The following NDUFAF6 variants were observed in gnomAD, a reference collection of about 807,000 sequenced individuals.
NDUFAF6 encodes the protein NADH dehydrogenase (ubiquinone) complex I, assembly factor 6.
NDUFAF6 carries 45 observed loss-of-function variants against 40.8 expected under a neutral mutation model. The observed-to-expected ratio is 1.10, with a 90% CI of 0.87 to 1.42. NDUFAF6 has a LOEUF of 1.42. NDUFAF6 is among the 40% of genes most tolerant of loss of function. The pLI is 0.00. For missense variants in NDUFAF6, 435 were observed against 418.5 expected, an observed-to-expected ratio of 1.04 and a Z score of -0.34; for synonymous variants, 185 against 155.9, an observed-to-expected ratio of 1.19 and a Z score of -1.39.
intron 2 of NDUFAF6, among the ~76,000 whole-genome samples, chr8:94,997,289 G>GACACACACAC (rs57953301): frequency 6.0e-4 from 57 of 94,702 alleles, no homozygotes; most frequent in Non-Finnish European, 8.9e-4. Context: ...CAAGAAGAAA[G>GACACACACAC]ACACACACAC....
intron 1 of NDUFAF6, among the ~76,000 whole-genome samples, chr8:94,967,388 G>A (rs1824091392): frequency 6.6e-6 from 1 of 152,140 alleles, no homozygotes; most frequent in African/African-American, 2.4e-5. Context: ...CAGCAAGACT[G>A]ACCATCTTCC....
chr8:95,032,255 A>G (rs1442063936), intron 2 of NDUFAF6, among the ~76,000 whole-genome samples, 161 bp downstream of exon 2: 1 of 152,234 alleles, frequency 6.6e-6, no homozygotes, highest in Non-Finnish European at 1.5e-5. Flanking sequence ...TTAGTAATTC[A>G]ATACCAAAAA....
chr8:94,937,831 TATTGTCTGGTGGTAAAA>T (rs1371405916), intron 1 of NDUFAF6, among the ~76,000 whole-genome samples: 1 of 152,054 alleles, frequency 6.6e-6, no homozygotes, highest in East Asian at 1.9e-4. Context: ...AATGCAGCTG[TATTGTCTGGTGGTAAAA>T]ACAGCCTACT....
chr8:95,071,481 C>G (rs931675106), intron 9 of NDUFAF6, among the ~76,000 whole-genome samples: 1 of 151,548 alleles, frequency 6.6e-6, no homozygotes, highest in East Asian at 1.9e-4. Flanking sequence ...TTTGCAGACT[C>G]ACCACCCCCA....
chr8:95,045,177 AG>A (rs902933717), intron 4 of NDUFAF6, among the ~76,000 whole-genome samples: 11 of 151,868 alleles, frequency 7.2e-5, no homozygotes, highest in African/African-American at 2.2e-4. Flanking sequence ...TATCTCTTGG[AG>A]GGGGGGTTGT....
In NDUFAF6 at chr8:94,997,343, C is replaced by CACACAGAGAG. The variant is rs1242904810; in HGVS notation, c.-84+16371_-84+16372insCACAGAGAGA. Reference sequence around the variant, plus strand: ...ACACACACACACACACACACACACACAGAGAGAGAGAGAGAGAGAGAGACA... The same window carrying CACACAGAGAG: ...ACACACACACACACACACACACACACACACAGAGAGAGAGAGAGAGAGAGAGAGAGAGACA... On this transcript the variant is annotated intron_variant, in intron 2 of 9. Coordinates refer to the NDUFAF6 transcript ENST00000396111. Among the ~76,000 whole-genome samples the CACACAGAGAG allele has an allele frequency of 1.8e-3, 166 of 90,556 alleles. 1 individual carries two copies. Among genetic ancestry groups the CACACAGAGAG allele is most frequent in the South Asian group, 4.3e-3 (9 of 2,106 alleles). 59.4% of individuals were successfully genotyped at this position (90,556 alleles called of 152,430 possible).
chr8:95,100,503 T>C (rs1447103505), exon 1 of NDUFAF6: 1 of 152,210 alleles, frequency 6.6e-6, no homozygotes, highest in Non-Finnish European at 1.5e-5. Flanking sequence ...ATTATGCCTT[T>C]GAATATACTG....
intron 2 of NDUFAF6, among the ~76,000 whole-genome samples, chr8:95,093,727 C>G (rs1171419298): frequency 6.6e-6 from 1 of 152,160 alleles, no homozygotes; most frequent in Non-Finnish European, 1.5e-5. Flanking sequence ...TTAATTTTGC[C>G]TCAGTTTCTT....
rs1820678897 is a variant in NDUFAF6 at position 94,933,834 on chromosome 8, T to TGC, written c.-935-11648_-935-11647insCG. ...TCATGCCTGTAATCCCAGCACTTTGTGGGGGGGGGGGGAGGATCACGAGGT... is the reference window on the plus strand; with the variant it reads ...TCATGCCTGTAATCCCAGCACTTTGTGCGGGGGGGGGGGGAGGATCACGAGGT... On this transcript the variant is annotated intron_variant, in intron 1 of 14. Coordinates refer to the NDUFAF6 transcript ENST00000396113. Among the ~76,000 whole-genome samples the TGC allele has an allele frequency of 8.5e-5, 5 of 59,022 alleles. 1 individual carries two copies. Among genetic ancestry groups the TGC allele is most frequent in the Non-Finnish European group, 1.7e-4 (5 of 29,730 alleles). The allele number at this position is 59,022 out of a possible 152,430, so 38.7% of individuals were successfully genotyped here.
At chr8:95,092,703 G>A (rs1466609600) in intron 2 of NDUFAF6, among the ~76,000 whole-genome samples, 1 of 148,442 alleles carries the variant, frequency 6.7e-6, no homozygotes, top group Non-Finnish European at 1.5e-5. Flanking sequence ...TCCTGCCTCA[G>A]CCTCCTGAGT....
chr8:94,905,731 A>G (rs564541538), intron 1 of NDUFAF6, among the ~76,000 whole-genome samples: 65 of 152,186 alleles, frequency 4.3e-4, no homozygotes, highest in African/African-American at 1.5e-3. Flanking sequence ...GGTCCTGCTC[A>G]TAGTGGTTCT....
At chr8:95,020,326 A>T (rs1827640480), upstream of NDUFAF6, among the ~76,000 whole-genome samples, 1 of 152,244 alleles carries the variant, frequency 6.6e-6, no homozygotes, top group African/African-American at 2.4e-5. Flanking sequence ...TGACTATTAA[A>T]CGAATAGTGG....
At chr8:95,035,416 ACAATGCATTTG>A in intron 2 of NDUFAF6, 27 bp from the exon 3 acceptor site, 1 of 1,610,990 alleles carries the variant, frequency 6.2e-7, no homozygotes, top group African/African-American at 1.3e-5. Context: ...TAGACAGTAG[ACAATGCATTTG>A]CTAAAGTTTT....
In NDUFAF6 at chr8:94,946,696, C is replaced by CAAAAAAAAAAAAAAAA. The variant is rs71273438; in HGVS notation, c.-799+1086_-799+1101dup. 4.0e-4 allele frequency among the ~76,000 whole-genome samples: 14 copies of CAAAAAAAAAAAAAAAA among 34,696 alleles called. 3 individuals carry two copies. Among genetic ancestry groups the CAAAAAAAAAAAAAAAA allele is most frequent in the East Asian group, 2.4e-3 (2 of 850 alleles). The allele number at this position is 34,696 out of a possible 152,430, so 22.8% of individuals were successfully genotyped here. A position where few individuals can be genotyped will look rare whatever the true frequency, so the allele number is the denominator to read the frequency against. The stretch of plus-strand genomic sequence containing the variant: ...TGGTCAACAGAGTAAGACCCTGTCT[C>CAAAAAAAAAAAAAAAA]AAAAAAAAAAAAAAAAAAAAAAAAG... On this transcript the variant is annotated intron_variant, in intron 2 of 14. Transcript: ENST00000396113.
rs146677150 is a variant in NDUFAF6 at position 95,026,880 on chromosome 8, G to C, written c.197+1675G>C. Among the ~76,000 whole-genome samples, 853 of 151,198 alleles carry C rather than the reference G, an allele frequency of 5.6e-3. 6 individuals carry two copies. The highest frequency in any genetic ancestry group is 0.019 in the African/African-American group (778 of 41,220). ...CTGGGCAACATAGCGGGATGCTGTT[G>C]CTACAAAAAATAAAAAAATTAGCTG... On this transcript the variant is annotated intron_variant, in intron 1 of 8. Coordinates refer to ENST00000396124, the MANE Select transcript of NDUFAF6 (RefSeq NM_152416.4).
At chr8:94,948,013 AC>A (rs908018074) in intron 2 of NDUFAF6, among the ~76,000 whole-genome samples, 2 of 152,104 alleles carry the variant, frequency 1.3e-5, no homozygotes, top group Non-Finnish European at 2.9e-5. Flanking sequence ...CTGTTCAGTG[AC>A]CCCAAGGGTC....
chr8:94,975,013 A>T (rs1407449900), intron 1 of NDUFAF6, among the ~76,000 whole-genome samples: 1 of 152,208 alleles, frequency 6.6e-6, no homozygotes, highest in Non-Finnish European at 1.5e-5. Context: ...AGGTTCCAAA[A>T]CACCAGCTCC....
chr8:95,109,533 G>A (rs997290767), intron 4 of NDUFAF6, among the ~76,000 whole-genome samples: 8 of 152,078 alleles, frequency 5.3e-5, no homozygotes, highest in Admixed American at 1.3e-4. Context: ...GTATAAATGC[G>A]TGGATTTGCA....
At position 94,969,020 on chromosome 8, in the gene NDUFAF6, T is replaced by C. The variant is rs1259861076; in HGVS notation, c.-199+10841T>C. 2.0e-5 allele frequency among the ~76,000 whole-genome samples: 3 copies of C among 152,222 alleles called. No homozygotes were observed. In the East Asian group the frequency reaches 5.8e-4, roughly 29 times the overall value. On this transcript the variant is annotated intron_variant, in intron 1 of 9. Coordinates refer to the NDUFAF6 transcript ENST00000396111. ...AGAGCAAATCAAGATTTTGACCATG[T>C]TAAGTTTGGAACACCTGTTAGATAG...
Sources: allele counts gnomAD v4.1 joint callset (sites outside exome capture counted in the v4.1 genomes callset), GRCh38; gene constraint gnomAD v4.1.1; transcripts MANE v1.5; gene names NCBI Gene and HGNC (gene_info 2026-07-23, HGNC 2026-07-21).